Variants in ADH5 observed in about 807,000 individuals in gnomAD.
ADH5 encodes alcohol dehydrogenase class-3.
In ADH5, 32 loss-of-function variants were observed where a neutral mutation model predicts 40.3. That is an observed-to-expected ratio of 0.79 (90% confidence interval 0.60 to 1.07). The LOEUF is 1.07. Among genes scored for constraint, ADH5 ranks in the 50% least tolerant of loss-of-function variants. The pLI is 0.00. For synonymous variants in ADH5, 125 were observed against 154.3 expected, an observed-to-expected ratio of 0.81 and a Z score of 1.41; for missense variants, 353 against 460.5, an observed-to-expected ratio of 0.77 and a Z score of 2.14.
At chr4:99,078,810 A>C (rs1727973581) in intron 4 of ADH5, among the ~76,000 whole-genome samples, 1 of 152,240 alleles carries the variant, frequency 6.6e-6, no homozygotes, top group African/African-American at 2.4e-5. Flanking sequence ...GGTGATGTGG[A>C]ATACATTTTA....
rs1727928209 is a variant in ADH5, at chr4:99,076,335, C to T, written c.782G>A (p.Gly261Glu). 6.2e-7 allele frequency: 1 copy of T among 1,614,122 alleles called. No individual in the cohort carries two copies. Among genetic ancestry groups the T allele is most frequent in the Non-Finnish European group, 8.5e-7 (1 of 1,179,978 alleles). ...AATACATTCAAAGGAATAGTCCACT[C>T]CTCCATCGGTCATCTCAATGAGCAC... The part of the protein sequence containing the change: ...QEVLIEMTDG[G>E]VDYSFECIGN... The change falls in exon 6 of 9, where the codon GGA (glycine) becomes GAA (glutamate). Residue 261 changes from glycine (G) to glutamate (E), a missense_variant. Physicochemically the swap from Gly to Glu is moderately conservative, Grantham distance 98 (BLOSUM62 -2). Coordinates refer to ENST00000296412, the MANE Select transcript of ADH5 (RefSeq NM_000671.4).
chr4:99,081,623 A>T (rs1205365667), intron 3 of ADH5, 171 bp from the exon 4 acceptor site: 1 of 587,596 alleles, frequency 1.7e-6, no homozygotes, highest in African/African-American at 1.9e-5. Flanking sequence ...TGCAAAAAGT[A>T]TGTTTCAATA....
chr4:99,075,880 A>G (rs1214425361), intron 6 of ADH5: 2 of 157,704 alleles, frequency 1.3e-5, no homozygotes, highest in Non-Finnish European at 2.8e-5. Context: ...CAGATTTTGG[A>G]GCATTTTGGA....
chr4:99,078,414 T>A (rs933218475), intron 4 of ADH5, among the ~76,000 whole-genome samples: 2 of 151,532 alleles, frequency 1.3e-5, no homozygotes, highest in African/African-American at 4.8e-5. Context: ...TCAGAAAGAA[T>A]TTTTTTTTGA....
At chr4:99,083,063 A>G (rs956430433) in intron 2 of ADH5, among the ~76,000 whole-genome samples, 1 of 152,170 alleles carries the variant, frequency 6.6e-6, no homozygotes, top group African/African-American at 2.4e-5. Flanking sequence ...TGGCTTATAT[A>G]TCCACTTACA....
At chr4:99,087,401 G>T (rs950005935) in intron 1 of ADH5, among the ~76,000 whole-genome samples, 7 of 136,988 alleles carry the variant, frequency 5.1e-5, no homozygotes, top group African/African-American at 1.8e-4. Context: ...GGGGGAGGGG[G>T]GGGGGAGGGA....
chr4:99,079,573 T>C (rs1379027642), intron 4 of ADH5, among the ~76,000 whole-genome samples: 2 of 152,060 alleles, frequency 1.3e-5, no homozygotes, highest in African/African-American at 4.8e-5. Context: ...ATATACATAA[T>C]CATTCATTGA....
chr4:99,078,697 C>T (rs13125919), intron 4 of ADH5, among the ~76,000 whole-genome samples: 12,402 of 152,212 alleles, frequency 0.081, 541 homozygotes, highest in Middle Eastern at 0.11. Flanking sequence ...CCACTGCACC[C>T]GACTAAAAAT....
intron 2 of ADH5, among the ~76,000 whole-genome samples, chr4:99,083,639 T>G (rs1728072235): frequency 2.0e-5 from 3 of 148,712 alleles, no homozygotes; most frequent in Non-Finnish European, 3.0e-5. Context: ...TAAAAAGACG[T>G]TATTTGGTCC....
rs1277656548 is a variant in ADH5 at position 99,071,527 on chromosome 4, A to C, written c.*890T>G. 1 of 152,220 alleles carries C rather than the reference A, an allele frequency of 6.6e-6. No homozygotes were observed. The highest frequency in any genetic ancestry group is 1.9e-4 in the East Asian group (1 of 5,204). 9.4% of individuals were successfully genotyped at this position (152,220 alleles called of 1,614,324 possible). The stretch of plus-strand genomic sequence containing the variant: ...AGAGCTTCAGATATAATTATACAAT[A>C]ATGAGTGAAAAAAGCTGTAGAATGA... On this transcript the variant is annotated 3_prime_UTR_variant, in exon 9 of 9. Coordinates refer to ENST00000296412, the MANE Select transcript of ADH5 (RefSeq NM_000671.4).
chr4:99,076,145 G>T, intron 6 of ADH5, 147 bp downstream of exon 6: 1 of 758,750 alleles, frequency 1.3e-6, no homozygotes, highest in Non-Finnish European at 2.1e-6. Context: ...TCCCATTGTA[G>T]TTCAAATAGA....
At chr4:99,079,841 G>T in intron 4 of ADH5, 1 of 361,706 alleles carries the variant, frequency 2.8e-6, no homozygotes, top group African/African-American at 2.2e-5. Context: ...TCATAAAAAT[G>T]ATTTCGTTTA....
Position 99,071,536 on chromosome 4 carries a change from A to G in ADH5, c.*881T>C, listed in dbSNP as rs1484542870. The G allele has an allele frequency of 3.9e-5, 6 of 152,236 alleles. No homozygotes were observed. The highest frequency in any genetic ancestry group is 1.4e-4 in the African/African-American group (6 of 41,456). 9.4% of individuals were successfully genotyped at this position (152,236 alleles called of 1,614,324 possible). A position where few individuals can be genotyped will look rare whatever the true frequency, so the allele number is the denominator to read the frequency against. The stretch of plus-strand genomic sequence containing the variant: ...GATATAATTATACAATAATGAGTGA[A>G]AAAAGCTGTAGAATGAGCAAGTATG... On this transcript the variant is annotated 3_prime_UTR_variant, in exon 9 of 9. Coordinates refer to ENST00000296412, the MANE Select transcript of ADH5 (RefSeq NM_000671.4).
rs1292759310 is a variant in ADH5 at position 99,077,615 on chromosome 4, CAGAT to C, written c.345-696_345-693del. The stretch of plus-strand genomic sequence containing the variant: ...CATTAACCAGATCAACTAATGAAAA[CAGAT>C]AGCCAAACTGGCTAATTTATATCTT... On this transcript the variant is annotated intron_variant, in intron 4 of 8. Transcript: ENST00000296412. Among the ~76,000 whole-genome samples, 7 of 152,270 alleles carry C rather than the reference CAGAT, an allele frequency of 4.6e-5. No homozygotes were observed. The Middle Eastern group carries it at 0.01, about 222-fold the overall frequency.
At chr4:99,087,502 TCA>T (rs889315153) in intron 1 of ADH5, among the ~76,000 whole-genome samples, 3 of 152,014 alleles carry the variant, frequency 2.0e-5, no homozygotes, top group African/African-American at 7.3e-5. Context: ...GTACAAAGAA[TCA>T]GACACTGCAT....
In ADH5 at chr4:99,079,887, G is replaced by A. The variant is rs932451501; in HGVS notation, c.344+1478C>T. The A allele has an allele frequency of 7.4e-6, 3 of 406,380 alleles. No individual in the cohort carries two copies. The East Asian group carries it at 2.3e-4, about 31-fold the overall frequency. 25.2% of individuals were successfully genotyped at this position (406,380 alleles called of 1,614,324 possible). A position where few individuals can be genotyped will look rare whatever the true frequency, so the allele number is the denominator to read the frequency against. ...CACGTCTTTCCTTACTACATGGTTT[G>A]GCAAATTTAGCCTGCTGTTATGTGA... On this transcript the variant is annotated intron_variant, in intron 4 of 8. Coordinates refer to ENST00000296412, the MANE Select transcript of ADH5 (RefSeq NM_000671.4).
At chr4:99,083,790 A>G (rs941423352) in intron 2 of ADH5, among the ~76,000 whole-genome samples, 2 of 152,092 alleles carry the variant, frequency 1.3e-5, no homozygotes, top group African/African-American at 2.4e-5. Context: ...AATGTTAATG[A>G]TCACTACTCT....
At chr4:99,073,385 A>C (rs990388133) in intron 7 of ADH5, among the ~76,000 whole-genome samples, 32 of 152,086 alleles carry the variant, frequency 2.1e-4, no homozygotes, top group African/African-American at 7.0e-4. Context: ...TCACCATGTT[A>C]CCCAGGATGG....
chr4:99,088,111 C>T (rs1221624913), intron 1 of ADH5, among the ~76,000 whole-genome samples: 1 of 152,148 alleles, frequency 6.6e-6, no homozygotes, highest in African/African-American at 2.4e-5. Flanking sequence ...GATAACACCT[C>T]GCAGAGGTGT....
Sources: allele counts gnomAD v4.1 joint callset (sites outside exome capture counted in the v4.1 genomes callset), GRCh38; gene constraint gnomAD v4.1.1; transcripts MANE v1.5; gene names NCBI Gene and HGNC (gene_info 2026-07-23, HGNC 2026-07-21).